SPATA13: variants seen among roughly 807,000 people sequenced by gnomAD.
SPATA13 encodes spermatogenesis associated 13, also known as spermatogenesis-associated protein 13.
A neutral mutation model predicts 104.0 loss-of-function variants in SPATA13; 50 were observed. That is an observed-to-expected ratio of 0.48 (90% CI 0.38 to 0.61). The LOEUF is 0.61. SPATA13 is among the 20% of genes least tolerant of loss of function. SPATA13 has a pLI of 0.00. For synonymous variants in SPATA13, 606 were observed against 667.5 expected, an observed-to-expected ratio of 0.91 and a Z score of 1.42; for missense variants, 1,524 against 1,690.6, an observed-to-expected ratio of 0.90 and a Z score of 1.73.
chr13:24,098,735 T>C (rs184564703), intron 3 of SPATA13, among the ~76,000 whole-genome samples: 1 of 152,142 alleles, frequency 6.6e-6, no homozygotes, highest in Non-Finnish European at 1.5e-5. Flanking sequence ...GAGACCATCC[T>C]GGTCAACATG....
In SPATA13 at chr13:24,141,414, A is replaced by G. The variant is rs144478987; in HGVS notation, c.-111-81405A>G. ...TGTTGACGTTGGGCCTTGCTAATGC[A>G]TTTGAATCTTCTGCCTTTTCCTGCT... On this transcript the variant is annotated intron_variant, in intron 3 of 14. Transcript: ENST00000424834. Among the ~76,000 whole-genome samples, 1,295 of 152,284 alleles carry G rather than the reference A, an allele frequency of 8.5e-3. 13 individuals carry two copies. The highest frequency in any genetic ancestry group is 0.03 in the African/African-American group (1,227 of 41,538).
intron 1 of SPATA13, among the ~76,000 whole-genome samples, chr13:23,982,631 T>G (rs1405735651): frequency 6.6e-6 from 1 of 152,144 alleles, no homozygotes; most frequent in Admixed American, 6.5e-5. Context: ...GTAGAAAAAC[T>G]GAGTTGTAGT....
chr13:24,159,499 G>T (rs770384836), upstream of SPATA13, among the ~76,000 whole-genome samples: 1 of 151,972 alleles, frequency 6.6e-6, no homozygotes, highest in Non-Finnish European at 1.5e-5. Flanking sequence ...ACTCCCTCAC[G>T]CCCCTCCCTC....
Position 24,037,365 on chromosome 13 carries a change from A to T in SPATA13, c.-112+19664A>T, listed in dbSNP as rs117228139. 9.8e-3 allele frequency among the ~76,000 whole-genome samples: 1,448 copies of T among 148,416 alleles called. 23 individuals carry two copies. The highest frequency in any genetic ancestry group is 0.075 in the East Asian group (380 of 5,056). ...CTTAAAGTATAATTTTAAAAAAATT[A>T]AAAAAAAAAGAAAAGAAAACAGGTT... On this transcript the variant is annotated intron_variant, in intron 3 of 14. Coordinates refer to the SPATA13 transcript ENST00000424834.
intron 3 of SPATA13, among the ~76,000 whole-genome samples, chr13:24,131,536 C>T (rs1330787737): frequency 6.6e-6 from 1 of 152,120 alleles, no homozygotes; most frequent in Non-Finnish European, 1.5e-5. Context: ...TCCAGGTGTC[C>T]AGGAGGTAAA....
At chr13:24,098,486 A>T (rs1049798114) in intron 3 of SPATA13, among the ~76,000 whole-genome samples, 3 of 152,000 alleles carry the variant, frequency 2.0e-5, no homozygotes, top group African/African-American at 7.2e-5. Context: ...AGTCCCAGCT[A>T]CTTGGGAGGC....
At chr13:24,113,887 A>AAAAG (rs1182325653) in intron 3 of SPATA13, among the ~76,000 whole-genome samples, 101 of 150,358 alleles carry the variant, frequency 6.7e-4, no homozygotes, top group African/African-American at 2.3e-3. Flanking sequence ...AAAAAAAAAA[A>AAAAG]AAAGAAAGAA....
intron 3 of SPATA13, among the ~76,000 whole-genome samples, chr13:24,077,017 G>T (rs1368120328): frequency 1.3e-5 from 2 of 151,894 alleles, no homozygotes; most frequent in Non-Finnish European, 2.9e-5. Context: ...GGGGACCCTG[G>T]GTTTCTTAAC....
intron 3 of SPATA13, among the ~76,000 whole-genome samples, chr13:24,022,316 C>T (rs113782121): frequency 0.038 from 5,858 of 152,208 alleles, 348 homozygotes; most frequent in African/African-American, 0.13. Flanking sequence ...GGATTATAGG[C>T]GTGAGCCACT....
intron 1 of SPATA13, among the ~76,000 whole-genome samples, chr13:24,166,975 C>T (rs1009644682): frequency 6.6e-6 from 1 of 152,244 alleles, no homozygotes; most frequent in Non-Finnish European, 1.5e-5. Flanking sequence ...GTTCCCATCT[C>T]TCAGAGTTTC....
intron 2 of SPATA13, among the ~76,000 whole-genome samples, chr13:23,986,387 G>A (rs1218218729): frequency 6.6e-6 from 1 of 152,168 alleles, no homozygotes; most frequent in Non-Finnish European, 1.5e-5. Context: ...AATGCTTATC[G>A]AGCCAAATTC....
chr13:24,001,366 G>A (rs1189457863), intron 2 of SPATA13, among the ~76,000 whole-genome samples: 1 of 152,104 alleles, frequency 6.6e-6, no homozygotes, highest in African/African-American at 2.4e-5. Flanking sequence ...GGAGGTTGGG[G>A]GAGTGTCTGG....
chr13:24,291,756 AT>A (rs71070676), intron 9 of SPATA13, among the ~76,000 whole-genome samples: 2,846 of 136,502 alleles, frequency 0.021, 65 homozygotes, highest in African/African-American at 0.05. Flanking sequence ...TTATTTTTTT[AT>A]TTTTTTTTTT....
chr13:24,032,970 G>A (rs542938974), intron 3 of SPATA13, among the ~76,000 whole-genome samples: 1 of 152,172 alleles, frequency 6.6e-6, no homozygotes, highest in South Asian at 2.1e-4. Flanking sequence ...CACTCATTTT[G>A]GGTAGATTGG....
intron 1 of SPATA13, among the ~76,000 whole-genome samples, chr13:24,195,157 CTA>C (rs1869983402): frequency 6.6e-6 from 1 of 152,156 alleles, no homozygotes; most frequent in Non-Finnish European, 1.5e-5. Flanking sequence ...CCTCCTGTCT[CTA>C]TGGATTTGCC....
chr13:24,259,787 T>C (rs531259071), intron 4 of SPATA13, among the ~76,000 whole-genome samples: 6 of 152,188 alleles, frequency 3.9e-5, no homozygotes, highest in Admixed American at 3.3e-4. Flanking sequence ...CCTTTCTGAA[T>C]TGGATTTTAT....
At chr13:24,189,635 AT>A (rs1448686169) in intron 1 of SPATA13, among the ~76,000 whole-genome samples, 1 of 22,408 alleles carries the variant, frequency 4.5e-5, no homozygotes, top group African/African-American at 7.5e-5. Flanking sequence ...ATAAATATAT[AT>A]ATTTATATAT....
chr13:24,075,573 G>C (rs1879297683), intron 3 of SPATA13, among the ~76,000 whole-genome samples: 1 of 152,184 alleles, frequency 6.6e-6, no homozygotes, highest in South Asian at 2.1e-4. Flanking sequence ...TTGCTGATGA[G>C]ATTAGTCATA....
chr13:24,007,453 G>A lies in SPATA13; in HGVS notation c.-146-10214G>A, dbSNP rs564300710. Among the ~76,000 whole-genome samples, 8 of 152,246 alleles carry A rather than the reference G, an allele frequency of 5.3e-5. No homozygotes were observed. The South Asian group carries it at 1.5e-3, about 28-fold the overall frequency. ...GGTGATGTTTAAGTTGCAAGGCTTG[G>A]GGCTTTTTCTTTTTTCTTTAGAGGT... On this transcript the variant is annotated intron_variant, in intron 2 of 14. Transcript: ENST00000424834.
Sources: allele counts gnomAD v4.1 joint callset (sites outside exome capture counted in the v4.1 genomes callset), GRCh38; gene constraint gnomAD v4.1.1; transcripts MANE v1.5; gene names NCBI Gene and HGNC (gene_info 2026-07-23, HGNC 2026-07-21).